Variants in ADGRL4 observed in about 807,000 individuals in gnomAD.
ADGRL4 encodes the protein adhesion G protein-coupled receptor L4, also known as EGF, latrophilin and seven transmembrane domain containing 1.
In ADGRL4, 90 loss-of-function variants were observed where a neutral mutation model predicts 74.8. The ratio of observed to expected loss-of-function variants is 1.20; its 90% CI spans 1.02 to 1.43. The LOEUF (loss-of-function observed/expected upper bound fraction) is 1.43. Among genes scored for constraint, ADGRL4 ranks in the 40% most tolerant of loss-of-function variants. The pLI is 0.00. For missense variants in ADGRL4, 881 were observed against 814.3 expected, an observed-to-expected ratio of 1.08 and a Z score of -1.00; for synonymous variants, 311 against 279.2, an observed-to-expected ratio of 1.11 and a Z score of -1.14.
chr1:78,938,704 G>A (rs1282930452), intron 4 of ADGRL4, among the ~76,000 whole-genome samples: 1 of 151,984 alleles, frequency 6.6e-6, no homozygotes, highest in African/African-American at 2.4e-5. Context: ...TCTTTACAAT[G>A]TGATTAAGTG....
Position 78,937,844 on chromosome 1 carries a change from T to C in ADGRL4, c.723A>G (p.Gln241=). The part of the protein sequence containing the change: ...QATLRISQSF[Q]KTTEFDTNST... ...AATTTGTATCAAACTCTGTGGTCTTTTGGAAGCTCTGGGATATCCTTAAAG... is the reference window on the plus strand; with the variant it reads ...AATTTGTATCAAACTCTGTGGTCTTCTGGAAGCTCTGGGATATCCTTAAAG... The change falls in exon 6 of 15, where the codon CAA becomes CAG. Residue 241 remains glutamine (Q), a synonymous_variant. Transcript: ENST00000370742. 1.2e-6 allele frequency: 2 copies of C among 1,613,252 alleles called. No individual in the cohort carries two copies.
intron 2 of ADGRL4, among the ~76,000 whole-genome samples, chr1:78,955,692 T>G (rs1649815658): frequency 6.6e-6 from 1 of 152,114 alleles, no homozygotes; most frequent in Non-Finnish European, 1.5e-5. Flanking sequence ...ATTTTTTTCC[T>G]GATGTAAAAT....
At chr1:79,003,666 A>G (rs941717407) in intron 2 of ADGRL4, among the ~76,000 whole-genome samples, 10 of 152,172 alleles carry the variant, frequency 6.6e-5, no homozygotes, top group African/African-American at 2.4e-4. Context: ...CCAAAATGTG[A>G]AAATTTTTTT....
chr1:78,925,821 C>G (rs1247388236), intron 8 of ADGRL4, among the ~76,000 whole-genome samples: 1 of 152,030 alleles, frequency 6.6e-6, no homozygotes, highest in Non-Finnish European at 1.5e-5. Flanking sequence ...AACTCTTTAG[C>G]TGCCAAACCA....
chr1:78,940,317 A>G (rs1649449645), intron 3 of ADGRL4, among the ~76,000 whole-genome samples: 1 of 152,046 alleles, frequency 6.6e-6, no homozygotes, highest in South Asian at 2.1e-4. Context: ...TTTTACCACA[A>G]CTTATTACTT....
chr1:78,939,228 T>G lies in ADGRL4; in HGVS notation c.356A>C (p.Asn119Thr), dbSNP rs186323604. Residue 119 changes from asparagine to threonine, a missense_variant, in exon 4 of 15, where the codon AAT (asparagine) becomes ACT (threonine). Asn to Thr is a moderately conservative substitution (Grantham distance 65, BLOSUM62 0). Coordinates refer to ENST00000370742, the MANE Select transcript of ADGRL4 (RefSeq NM_022159.4). ...ATTAATATTTGCAGCTATACAGACA[T>G]TATCTAAATGGCAGTTTGCATTCAC... ...ENVNANCHLDNVCIAANINKT... is the reference protein window; with the variant it reads ...ENVNANCHLDTVCIAANINKT... The G allele has an allele frequency of 3.3e-3, 5,228 of 1,567,874 alleles. 8 individuals are homozygous for G. The highest frequency in any genetic ancestry group is 4.3e-3 in the Non-Finnish European group (4,928 of 1,159,230).
At position 78,971,373 on chromosome 1, in the gene ADGRL4, G is replaced by A. The variant is rs187903740; in HGVS notation, c.173-24947C>T. Reference sequence around the variant, plus strand: ...TACATGTGTCATGTTGGTAGAGAGGGGAATGAGAGAGCCAGGTGGGAATGG... The same window carrying A: ...TACATGTGTCATGTTGGTAGAGAGGAGAATGAGAGAGCCAGGTGGGAATGG... On this transcript the variant is annotated intron_variant, in intron 2 of 14. Coordinates refer to ENST00000370742, the MANE Select transcript of ADGRL4 (RefSeq NM_022159.4). 2.6e-5 allele frequency among the ~76,000 whole-genome samples: 4 copies of A among 152,236 alleles called. No individual in the cohort carries two copies. The East Asian group carries it at 5.8e-4, about 22-fold the overall frequency.
At chr1:78,993,096 A>G (rs1404361961) in intron 2 of ADGRL4, among the ~76,000 whole-genome samples, 1 of 152,132 alleles carries the variant, frequency 6.6e-6, no homozygotes, top group Non-Finnish European at 1.5e-5. Context: ...GAGGGTTAAA[A>G]TACGTTTTTT....
intron 9 of ADGRL4, among the ~76,000 whole-genome samples, chr1:78,921,046 C>T (rs1333095899): frequency 1.4e-5 from 2 of 138,936 alleles, no homozygotes; most frequent in African/African-American, 2.6e-5. Flanking sequence ...GAGATGATAG[C>T]ACAGAGCTAT....
intron 2 of ADGRL4, among the ~76,000 whole-genome samples, chr1:78,994,220 T>C (rs911030748): frequency 1.3e-5 from 2 of 152,224 alleles, no homozygotes; most frequent in Non-Finnish European, 2.9e-5. Flanking sequence ...TAATCATTTA[T>C]GCAAATTTTT....
intron 12 of ADGRL4, among the ~76,000 whole-genome samples, chr1:78,909,341 T>C (rs76580578): frequency 6.6e-6 from 1 of 151,920 alleles, no homozygotes; most frequent in African/African-American, 2.4e-5. Context: ...GTATTCAAGA[T>C]ACTTAACATC....
At chr1:78,893,337 A>G (rs1177796213) in intron 12 of ADGRL4, 148 bp from the exon 13 acceptor site, 2 of 603,092 alleles carry the variant, frequency 3.3e-6, no homozygotes, top group Non-Finnish European at 5.6e-6. Context: ...GAAAATTATC[A>G]GTACAAGTGG....
intron 2 of ADGRL4, among the ~76,000 whole-genome samples, chr1:78,963,802 C>A (rs1001281144): frequency 6.6e-5 from 10 of 152,192 alleles, no homozygotes; most frequent in African/African-American, 2.4e-4. Flanking sequence ...GTTTATTAGG[C>A]ATACAATAAA....
chr1:79,000,718 T>G (rs1650823483), intron 2 of ADGRL4, among the ~76,000 whole-genome samples: 1 of 152,198 alleles, frequency 6.6e-6, no homozygotes, highest in South Asian at 2.1e-4. Context: ...ATATTTTATT[T>G]ATTTGAATGA....
intron 2 of ADGRL4, among the ~76,000 whole-genome samples, chr1:78,973,837 C>T (rs928832898): frequency 6.6e-6 from 1 of 151,766 alleles, no homozygotes; most frequent in African/African-American, 2.4e-5. Flanking sequence ...TTCTGTAATT[C>T]CCCTTTTCAA....
At chr1:78,911,936 G>A (rs935622928) in intron 12 of ADGRL4, among the ~76,000 whole-genome samples, 4 of 151,802 alleles carry the variant, frequency 2.6e-5, no homozygotes, top group Admixed American at 6.6e-5. Context: ...ACTTAATCTT[G>A]CTTCCTCATT....
intron 3 of ADGRL4, among the ~76,000 whole-genome samples, chr1:78,940,095 G>A (rs1261298882): frequency 1.3e-5 from 2 of 152,082 alleles, no homozygotes; most frequent in Non-Finnish European, 2.9e-5. Flanking sequence ...CATTGATGAT[G>A]TAACATTTAG....
intron 13 of ADGRL4, among the ~76,000 whole-genome samples, chr1:78,892,692 T>C (rs1275712131): frequency 2.0e-5 from 3 of 152,032 alleles, no homozygotes. Context: ...CCTGAACAAA[T>C]CATTTTCAAG....
chr1:78,918,317 T>C (rs1648927292), intron 10 of ADGRL4, among the ~76,000 whole-genome samples: 1 of 151,914 alleles, frequency 6.6e-6, no homozygotes, highest in Non-Finnish European at 1.5e-5. Flanking sequence ...TATATATTTA[T>C]CTTATGTGAT....
Sources: gnomAD v4.1 joint callset for allele counts (sites outside exome capture counted in the v4.1 genomes callset) on GRCh38, gnomAD v4.1.1 for gene constraint, MANE v1.5 for transcripts, NCBI Gene and HGNC (gene_info 2026-07-23, HGNC 2026-07-21) for gene names.